The following ADK variants were observed in gnomAD, a reference collection of about 807,000 sequenced individuals.
The protein encoded by ADK is adenosine kinase.
ADK carries 24 observed loss-of-function variants against 44.7 expected under a neutral mutation model. The ratio of observed to expected loss-of-function variants is 0.54; its 90% confidence interval spans 0.39 to 0.76. The LOEUF is 0.76. Ranked by LOEUF, ADK falls within the 30% of genes least tolerant of loss-of-function variation. The pLI, the probability that ADK is intolerant of heterozygous loss-of-function variation, is 0.00. For synonymous variants in ADK, 128 were observed against 142.6 expected (o/e 0.90, Z 0.73); for missense variants, 321 against 425.1 (o/e 0.76, Z 2.15).
At chr10:74,396,484 G>A (rs1399312740) in intron 5 of ADK, among the ~76,000 whole-genome samples, 3 of 152,042 alleles carry the variant, frequency 2.0e-5, no homozygotes, top group Non-Finnish European at 4.4e-5. Flanking sequence ...CAGTGGACTG[G>A]GGTCGTGCTG....
At chr10:74,501,016 C>T (rs1408274858) in intron 6 of ADK, among the ~76,000 whole-genome samples, 2 of 152,200 alleles carry the variant, frequency 1.3e-5, no homozygotes, top group African/African-American at 4.8e-5. Flanking sequence ...AACAGAAACA[C>T]TGACCACTCT....
rs544391763 is a variant in ADK at position 74,211,216 on chromosome 10, TA to T, written c.140+10379del. On this transcript the variant is annotated intron_variant, in intron 2 of 10. Coordinates refer to ENST00000539909, the MANE Select transcript of ADK (RefSeq NM_006721.4). ...TTAATTCTTTATAAAGCTATTGCCA[TA>T]TTTTTTTCTACAGCTTTCAACATTA... Among the ~76,000 whole-genome samples the T allele has an allele frequency of 2.6e-3, 390 of 152,334 alleles. 2 individuals are homozygous for T. Among genetic ancestry groups the T allele is most frequent in the Admixed American group, 5.2e-3 (80 of 15,298 alleles).
intron 9 of ADK, among the ~76,000 whole-genome samples, chr10:74,634,238 C>T (rs939282513): frequency 5.3e-5 from 8 of 151,996 alleles, no homozygotes. Flanking sequence ...CGAGTCTCGC[C>T]CTGCCTTCCA....
chr10:74,659,761 G>A (rs1372482166), intron 9 of ADK, among the ~76,000 whole-genome samples: 1 of 152,202 alleles, frequency 6.6e-6, no homozygotes, highest in African/African-American at 2.4e-5. Context: ...CAGCGCAGGA[G>A]AAAGTTGTAG....
chr10:74,520,024 A>G (rs1036984905), intron 6 of ADK, among the ~76,000 whole-genome samples: 1 of 151,976 alleles, frequency 6.6e-6, no homozygotes, highest in Non-Finnish European at 1.5e-5. Context: ...ATGTATTTTT[A>G]AAAAATGTTT....
intron 7 of ADK, among the ~76,000 whole-genome samples, chr10:74,552,042 AT>A (rs1277498164): frequency 2.0e-5 from 3 of 150,976 alleles, no homozygotes; most frequent in Admixed American, 6.6e-5. Flanking sequence ...TTATTGTTGG[AT>A]TTTTTTCATA....
At chr10:74,350,949 C>CA (rs1171637694) in intron 4 of ADK, among the ~76,000 whole-genome samples, 1 of 151,942 alleles carries the variant, frequency 6.6e-6, no homozygotes, top group Non-Finnish European at 1.5e-5. Flanking sequence ...GTCTACCAAC[C>CA]AAAAAAAGCC....
chr10:74,567,699 G>GTTT (rs56042541), intron 7 of ADK, among the ~76,000 whole-genome samples: 9 of 112,382 alleles, frequency 8.0e-5, no homozygotes, highest in Non-Finnish European at 1.2e-4. Context: ...TGTTTTTTTT[G>GTTT]TTTTTTTTTT....
intron 6 of ADK, among the ~76,000 whole-genome samples, chr10:74,463,257 G>A (rs528484725): frequency 4.6e-5 from 7 of 152,186 alleles, no homozygotes; most frequent in East Asian, 3.9e-4. Flanking sequence ...TGCATTTGTC[G>A]TGCACTTTAT....
rs142265662 is a variant in ADK, at chr10:74,277,306, C to G, written c.195-37361C>G. On this transcript the variant is annotated intron_variant, in intron 3 of 10. Transcript: ENST00000539909. ...AGCACTTAAGTCTATACATTTTTCTCAGAATACCTTTTTTGTGTGACCTGG... is the reference window on the plus strand; with the variant it reads ...AGCACTTAAGTCTATACATTTTTCTGAGAATACCTTTTTTGTGTGACCTGG... Among the ~76,000 whole-genome samples the G allele has an allele frequency of 6.7e-4, 102 of 152,288 alleles. 1 individual carries two copies. In the East Asian group the frequency reaches 0.018, roughly 27 times the overall value.
At chr10:74,360,020 A>G (rs1842284459) in intron 4 of ADK, among the ~76,000 whole-genome samples, 1 of 152,272 alleles carries the variant, frequency 6.6e-6, no homozygotes, top group East Asian at 1.9e-4. Flanking sequence ...TTCACTTACC[A>G]GTTCTAATAT....
intron 2 of ADK, among the ~76,000 whole-genome samples, chr10:74,211,074 G>A (rs992365321): frequency 6.6e-6 from 1 of 151,992 alleles, no homozygotes; most frequent in Non-Finnish European, 1.5e-5. Flanking sequence ...TAATACAGAC[G>A]GGGTTTCACC....
intron 9 of ADK, among the ~76,000 whole-genome samples, chr10:74,642,889 G>A (rs2134103330): frequency 6.8e-6 from 1 of 147,838 alleles, no homozygotes; most frequent in East Asian, 2.0e-4. Flanking sequence ...ACCCAGGCTG[G>A]AGTGCAGTAG....
At chr10:74,467,092 G>A (rs1846384848) in intron 6 of ADK, among the ~76,000 whole-genome samples, 1 of 151,966 alleles carries the variant, frequency 6.6e-6, no homozygotes, top group Non-Finnish European at 1.5e-5. Flanking sequence ...TAAAGTATAG[G>A]TTATTGATCC....
intron 9 of ADK, among the ~76,000 whole-genome samples, chr10:74,621,555 T>A (rs1852994341): frequency 6.6e-6 from 1 of 152,220 alleles, no homozygotes; most frequent in East Asian, 1.9e-4. Context: ...CCATTTAGGG[T>A]CTTTTCTGAT....
chr10:74,427,723 A>ATGTG (rs1217674483), intron 6 of ADK, among the ~76,000 whole-genome samples: 4 of 100,368 alleles, frequency 4.0e-5, no homozygotes, highest in Non-Finnish European at 6.1e-5. Flanking sequence ...GTATATGTAT[A>ATGTG]TGTATGTGTG....
intron 7 of ADK, among the ~76,000 whole-genome samples, chr10:74,532,080 A>G (rs550032150): frequency 7.0e-4 from 107 of 152,374 alleles, no homozygotes; most frequent in South Asian, 1.4e-3. Flanking sequence ...CATCATGACT[A>G]GGAGTGTAGA....
chr10:74,380,718 A>G (rs761702004), intron 4 of ADK, among the ~76,000 whole-genome samples: 1 of 152,176 alleles, frequency 6.6e-6, no homozygotes, highest in Admixed American at 6.5e-5. Flanking sequence ...AGATCGTGCC[A>G]CTGCACTCCA....
At chr10:74,440,403 A>T (rs1564723500) in intron 6 of ADK, among the ~76,000 whole-genome samples, 1 of 152,176 alleles carries the variant, frequency 6.6e-6, no homozygotes, top group Non-Finnish European at 1.5e-5. Flanking sequence ...CTATATTCAT[A>T]GCCCATACTG....
Sources: allele counts gnomAD v4.1 joint callset (sites outside exome capture counted in the v4.1 genomes callset), GRCh38; gene constraint gnomAD v4.1.1; transcripts MANE v1.5; gene names NCBI Gene and HGNC (gene_info 2026-07-23, HGNC 2026-07-21).